The following SHB variants were observed in gnomAD, a reference collection of about 807,000 sequenced individuals.
SHB encodes the protein SH2 domain containing adaptor protein B.
SHB carries 20 observed loss-of-function variants against 52.3 expected under a neutral mutation model. That is an observed-to-expected ratio of 0.38 (90% CI 0.27 to 0.56). The LOEUF is 0.56. SHB is among the 20% of genes least tolerant of loss of function. The pLI is 0.71. For missense variants in SHB, 825 were observed against 723.3 expected, an observed-to-expected ratio of 1.14 and a Z score of -1.61; for synonymous variants, 397 against 316.5, an observed-to-expected ratio of 1.25 and a Z score of -2.70.
At chr9:37,984,902 G>A (rs574111061) in intron 2 of SHB, among the ~76,000 whole-genome samples, 1 of 152,292 alleles carries the variant, frequency 6.6e-6, no homozygotes, top group African/African-American at 2.4e-5. Flanking sequence ...GGAAGAGCAG[G>A]GCTGCAGGAC....
intron 3 of SHB, among the ~76,000 whole-genome samples, chr9:37,960,903 G>A (rs766740716): frequency 6.6e-6 from 1 of 152,224 alleles, no homozygotes; most frequent in Non-Finnish European, 1.5e-5. Context: ...TCAAGCCCAG[G>A]ACTGCAGGCC....
intron 2 of SHB, among the ~76,000 whole-genome samples, chr9:38,011,115 C>A (rs1344047351): frequency 2.0e-5 from 3 of 152,216 alleles, no homozygotes; most frequent in Admixed American, 6.5e-5. Context: ...GTCCAGCGCC[C>A]TTCCTGCTGC....
At chr9:37,970,150 G>A (rs1327868063) in intron 3 of SHB, among the ~76,000 whole-genome samples, 1 of 152,212 alleles carries the variant, frequency 6.6e-6, no homozygotes, top group Admixed American at 6.5e-5. Context: ...CATTGTCCTG[G>A]GGATTGGGAT....
intron 1 of SHB, among the ~76,000 whole-genome samples, chr9:38,032,452 T>C (rs1411286133): frequency 2.0e-5 from 3 of 152,106 alleles, no homozygotes; most frequent in African/African-American, 4.8e-5. Context: ...GAAGGGAAGT[T>C]TGACAGGAAG....
intron 4 of SHB, among the ~76,000 whole-genome samples, chr9:37,953,597 G>A (rs903846939): frequency 6.6e-6 from 1 of 152,102 alleles, no homozygotes; most frequent in African/African-American, 2.4e-5. Context: ...CAGGTGGTAG[G>A]AGCACCTAGG....
At chr9:37,946,839 C>T (rs1396831875) in intron 5 of SHB, among the ~76,000 whole-genome samples, 1 of 152,202 alleles carries the variant, frequency 6.6e-6, no homozygotes, top group Non-Finnish European at 1.5e-5. Flanking sequence ...TGATAACCCC[C>T]AATGACCAGC....
At chr9:38,038,532 G>C (rs1443547807) in intron 1 of SHB, among the ~76,000 whole-genome samples, 2 of 152,192 alleles carry the variant, frequency 1.3e-5, no homozygotes, top group African/African-American at 2.4e-5. Flanking sequence ...CACACAGTAA[G>C]GTACTGAGTA....
chr9:37,948,790 C>T (rs200593870), intron 4 of SHB, 36 bp from the exon 5 acceptor site: 22 of 1,611,480 alleles, frequency 1.4e-5, no homozygotes, highest in African/African-American at 6.7e-5. Context: ...GAGCCCAGCG[C>T]GATGGGATTC....
intron 3 of SHB, among the ~76,000 whole-genome samples, chr9:37,956,688 G>A (rs1042442836): frequency 6.6e-6 from 1 of 152,210 alleles, no homozygotes; most frequent in Non-Finnish European, 1.5e-5. Flanking sequence ...ACCCCCACAG[G>A]CTGGGGGAGG....
In SHB at chr9:37,919,819, G is replaced by A. The variant is rs770041399; in HGVS notation, c.*2C>T. ...TCACAGAGCAGGGCAGGTCTGGTCC[G>A]CTCACAGGGTCCTCACAGCCACGGG... On this transcript the variant is annotated 3_prime_UTR_variant, in exon 6 of 6. Coordinates refer to ENST00000377707, the MANE Select transcript of SHB (RefSeq NM_003028.3). 18 of 1,612,216 alleles carry A rather than the reference G, an allele frequency of 1.1e-5. No individual in the cohort carries two copies. Among genetic ancestry groups the A allele is most frequent in the African/African-American group, 4.0e-5 (3 of 74,862 alleles).
intron 2 of SHB, among the ~76,000 whole-genome samples, chr9:37,992,402 A>T (rs904845982): frequency 9.2e-5 from 14 of 152,160 alleles, no homozygotes; most frequent in African/African-American, 2.9e-4. Flanking sequence ...ATTCCATCTC[A>T]AAAAAATAAA....
intron 1 of SHB, among the ~76,000 whole-genome samples, chr9:38,055,779 A>T (rs558824337): frequency 6.6e-6 from 1 of 152,128 alleles, no homozygotes; most frequent in Non-Finnish European, 1.5e-5. Context: ...CACTCTGTGA[A>T]AACTGAAACA....
At chr9:38,021,488 G>A (rs1821282005) in intron 1 of SHB, among the ~76,000 whole-genome samples, 1 of 150,996 alleles carries the variant, frequency 6.6e-6, no homozygotes, top group South Asian at 2.1e-4. Context: ...AACATATAGT[G>A]AAACTCTGTC....
chr9:37,969,619 T>C (rs999386575), intron 3 of SHB, among the ~76,000 whole-genome samples: 3 of 152,148 alleles, frequency 2.0e-5, no homozygotes, highest in East Asian at 1.9e-4. Context: ...TTTGGTGTCT[T>C]TGCCACCTCC....
At chr9:37,982,786 C>G (rs1260659665) in intron 2 of SHB, among the ~76,000 whole-genome samples, 1 of 150,992 alleles carries the variant, frequency 6.6e-6, no homozygotes, top group Non-Finnish European at 1.5e-5. Context: ...GCAACAAGAG[C>G]AAAACTCTGT....
At chr9:38,048,672 A>G (rs894505919) in intron 1 of SHB, among the ~76,000 whole-genome samples, 4 of 152,200 alleles carry the variant, frequency 2.6e-5, no homozygotes, top group Non-Finnish European at 5.9e-5. Context: ...AAAATGAAAA[A>G]GTATTACATT....
At chr9:37,985,790 G>A (rs764083302) in intron 2 of SHB, among the ~76,000 whole-genome samples, 1 of 152,216 alleles carries the variant, frequency 6.6e-6, no homozygotes, top group Non-Finnish European at 1.5e-5. Flanking sequence ...TGCCTCCTAG[G>A]GAACTCATGG....
intron 2 of SHB, among the ~76,000 whole-genome samples, chr9:37,997,790 A>G (rs10814638): frequency 0.43 from 65,016 of 152,100 alleles, 14,300 homozygotes; most frequent in Middle Eastern, 0.51. Context: ...CCATCACCCC[A>G]GGGCAGATGG....
chr9:38,007,047 A>G (rs1432782894), intron 2 of SHB, among the ~76,000 whole-genome samples: 1 of 152,148 alleles, frequency 6.6e-6, no homozygotes, highest in Non-Finnish European at 1.5e-5. Flanking sequence ...TTGGTCCCTC[A>G]CTCAACTGTT....
Sources: allele counts gnomAD v4.1 joint callset (sites outside exome capture counted in the v4.1 genomes callset), GRCh38; gene constraint gnomAD v4.1.1; transcripts MANE v1.5; gene names NCBI Gene and HGNC (gene_info 2026-07-23, HGNC 2026-07-21).